The following TSPAN9 variants were observed in gnomAD, a reference collection of about 807,000 sequenced individuals.
TSPAN9 encodes tetraspanin-9.
TSPAN9 carries 16 observed loss-of-function variants against 31.0 expected under a neutral mutation model. The ratio of observed to expected loss-of-function variants is 0.52; its 90% CI spans 0.35 to 0.78. The LOEUF (loss-of-function observed/expected upper bound fraction) is 0.78, where lower values mean the gene tolerates loss of function less well. TSPAN9 is among the 30% of genes least tolerant of loss of function. TSPAN9 has a pLI of 0.01. For synonymous variants in TSPAN9, 145 were observed against 121.6 expected (o/e 1.19, Z -1.27); for missense variants, 272 against 312.5 (o/e 0.87, Z 0.98).
At chr12:3,140,323 G>A (rs1469177723) in intron 2 of TSPAN9, among the ~76,000 whole-genome samples, 2 of 152,256 alleles carry the variant, frequency 1.3e-5, no homozygotes, top group African/African-American at 2.4e-5. Flanking sequence ...ATTTTTAGTC[G>A]ACACTGAAGG....
chr12:3,199,206 TTCCA>T (rs1412173808), intron 2 of TSPAN9, among the ~76,000 whole-genome samples: 2 of 152,206 alleles, frequency 1.3e-5, no homozygotes, highest in African/African-American at 4.8e-5. Flanking sequence ...ACATGAATTC[TTCCA>T]TCCAGCCATC....
intron 2 of TSPAN9, chr12:3,200,857 C>T (rs911842662): frequency 8.3e-6 from 2 of 241,242 alleles, no homozygotes; most frequent in Non-Finnish European, 1.6e-5. Context: ...ACTTGGGCGC[C>T]CCCTCCGTCC....
chr12:3,198,581 C>T (rs867543603), intron 2 of TSPAN9, among the ~76,000 whole-genome samples: 70 of 98,558 alleles, frequency 7.1e-4, no homozygotes, highest in African/African-American at 1.7e-3. Flanking sequence ...CCAGCACAGG[C>T]CACCACCAGC....
At chr12:3,161,801 A>G (rs11062542) in intron 2 of TSPAN9, among the ~76,000 whole-genome samples, 45,991 of 150,984 alleles carry the variant, frequency 0.3, 8,452 homozygotes, top group South Asian at 0.51. Flanking sequence ...CTATCTATCT[A>G]TCTATCTATC....
chr12:3,153,852 G>C (rs2098341008), intron 2 of TSPAN9, among the ~76,000 whole-genome samples: 1 of 140,716 alleles, frequency 7.1e-6, no homozygotes, highest in Non-Finnish European at 1.5e-5. Context: ...ATATATGTGT[G>C]TGTGTGTGTG....
chr12:3,094,101 G>T (rs1323425918), intron 2 of TSPAN9, among the ~76,000 whole-genome samples: 1 of 152,034 alleles, frequency 6.6e-6, no homozygotes, highest in African/African-American at 2.4e-5. Context: ...GCCTTAAGGG[G>T]TTCTTTTGCT....
At chr12:3,086,753 C>T (rs577216599) in intron 2 of TSPAN9, among the ~76,000 whole-genome samples, 6 of 152,252 alleles carry the variant, frequency 3.9e-5, no homozygotes, top group Admixed American at 2.0e-4. Context: ...CACGTTTGTG[C>T]GAAATTTGAA....
At chr12:3,218,846 C>A (rs920588363) in intron 3 of TSPAN9, among the ~76,000 whole-genome samples, 2 of 151,558 alleles carry the variant, frequency 1.3e-5, no homozygotes, top group Admixed American at 1.3e-4. Context: ...TTAAAAAAAA[C>A]AACCTGATAT....
At chr12:3,219,627 A>G (rs1287807508) in intron 3 of TSPAN9, among the ~76,000 whole-genome samples, 2 of 152,072 alleles carry the variant, frequency 1.3e-5, no homozygotes, top group Non-Finnish European at 2.9e-5. Context: ...AGATGAGTAG[A>G]GAAAAATGGA....
At chr12:3,148,918 C>G (rs781659143) in intron 2 of TSPAN9, among the ~76,000 whole-genome samples, 1 of 152,166 alleles carries the variant, frequency 6.6e-6, no homozygotes, top group African/African-American at 2.4e-5. Context: ...TCGGGCGTGC[C>G]TGGCCGAGGT....
chr12:3,275,870 C>G (rs145184662), intron 3 of TSPAN9, among the ~76,000 whole-genome samples: 4 of 152,254 alleles, frequency 2.6e-5, no homozygotes, highest in Admixed American at 6.5e-5. Context: ...GTTAGTAATA[C>G]GTGGCGGTGT....
intron 2 of TSPAN9, among the ~76,000 whole-genome samples, chr12:3,089,049 G>A (rs866507317): frequency 6.6e-6 from 1 of 151,876 alleles, no homozygotes; most frequent in Non-Finnish European, 1.5e-5. Context: ...TGGCTAACAC[G>A]GTGAAACCCC....
intron 2 of TSPAN9, among the ~76,000 whole-genome samples, chr12:3,094,697 G>C (rs2098306936): frequency 6.6e-6 from 1 of 151,726 alleles, no homozygotes; most frequent in African/African-American, 2.4e-5. Flanking sequence ...CACTACTCCT[G>C]GCTAATTTTG....
chr12:3,110,477 C>A (rs1365825757), intron 2 of TSPAN9, among the ~76,000 whole-genome samples: 3 of 152,200 alleles, frequency 2.0e-5, no homozygotes, highest in Non-Finnish European at 4.4e-5. Flanking sequence ...TCTTGGAGAT[C>A]TTTGGCCAGG....
intron 2 of TSPAN9, among the ~76,000 whole-genome samples, chr12:3,146,972 G>A (rs576941706): frequency 2.2e-4 from 34 of 152,144 alleles, no homozygotes; most frequent in Non-Finnish European, 4.3e-4. Flanking sequence ...TTTCCTCATC[G>A]GAAAATGGGT....
At chr12:3,115,919 A>G (rs2153965756) in intron 2 of TSPAN9, among the ~76,000 whole-genome samples, 1 of 152,162 alleles carries the variant, frequency 6.6e-6, no homozygotes, top group Admixed American at 6.5e-5. Context: ...GTGTGTGAGG[A>G]CTCCAGTTTC....
At chr12:3,088,316 T>C (rs2098301750) in intron 2 of TSPAN9, among the ~76,000 whole-genome samples, 1 of 152,226 alleles carries the variant, frequency 6.6e-6, no homozygotes, top group Non-Finnish European at 1.5e-5. Flanking sequence ...TTTGGATTTG[T>C]TCGACCATTT....
At chr12:3,123,583 T>A (rs1487270241) in intron 2 of TSPAN9, among the ~76,000 whole-genome samples, 1 of 151,638 alleles carries the variant, frequency 6.6e-6, no homozygotes, top group African/African-American at 2.4e-5. Flanking sequence ...TCCTCCAGTG[T>A]GTGGAGGATT....
At chr12:3,224,159 A>G (rs1260766584) in intron 3 of TSPAN9, among the ~76,000 whole-genome samples, 4 of 152,202 alleles carry the variant, frequency 2.6e-5, no homozygotes, top group African/African-American at 9.6e-5. Flanking sequence ...CGCCTCAGAC[A>G]TAGCCTACTC....
Sources: gnomAD v4.1 joint callset for allele counts (sites outside exome capture counted in the v4.1 genomes callset) on GRCh38, gnomAD v4.1.1 for gene constraint, MANE v1.5 for transcripts, NCBI Gene and HGNC (gene_info 2026-07-23, HGNC 2026-07-21) for gene names.